KCND3: variants seen among roughly 807,000 people sequenced by gnomAD.
KCND3 encodes the protein potassium voltage-gated channel subfamily D member 3, also known as A-type voltage-gated potassium channel KCND3.
In KCND3, 9 loss-of-function variants were observed where a neutral mutation model predicts 51.1. The observed-to-expected ratio is 0.18, with a 90% CI of 0.11 to 0.31. The LOEUF is 0.31. Among genes scored for constraint, KCND3 ranks in the 10% least tolerant of loss-of-function variants. KCND3 has a pLI of 1.00. For synonymous variants in KCND3, 349 were observed against 368.0 expected (o/e 0.95, Z 0.59); for missense variants, 526 against 903.8 (o/e 0.58, Z 5.36).
At chr1:111,932,873 C>A (rs1355422758) in intron 2 of KCND3, among the ~76,000 whole-genome samples, 1 of 152,158 alleles carries the variant, frequency 6.6e-6, no homozygotes, top group Non-Finnish European at 1.5e-5. Flanking sequence ...GCTCTGGGGT[C>A]TCGGAGCACT....
chr1:111,828,687 G>GA (rs1267255045), intron 2 of KCND3, among the ~76,000 whole-genome samples: 3 of 151,990 alleles, frequency 2.0e-5, no homozygotes, highest in African/African-American at 7.2e-5. Context: ...GGTATGGAGA[G>GA]ACCCCCCATC....
chr1:111,800,547 A>T (rs1056691834), intron 2 of KCND3, among the ~76,000 whole-genome samples: 3 of 137,984 alleles, frequency 2.2e-5, no homozygotes, highest in Non-Finnish European at 4.7e-5. Flanking sequence ...ATAAAAAAAT[A>T]AATTTAAAAA....
chr1:111,881,993 C>G (rs1031671425), intron 2 of KCND3, among the ~76,000 whole-genome samples: 16 of 152,112 alleles, frequency 1.1e-4, no homozygotes, highest in African/African-American at 3.6e-4. Context: ...AACGGAACAC[C>G]ATGGGACCCT....
At chr1:111,962,637 T>G (rs1673726048) in intron 2 of KCND3, among the ~76,000 whole-genome samples, 1 of 152,240 alleles carries the variant, frequency 6.6e-6, no homozygotes, top group Admixed American at 6.5e-5. Context: ...CCTATGTGGA[T>G]GCCCTGCCTG....
chr1:111,847,897 G>A (rs1408809831), intron 2 of KCND3, among the ~76,000 whole-genome samples: 2 of 152,230 alleles, frequency 1.3e-5, no homozygotes, highest in African/African-American at 4.8e-5. Context: ...ATTTGCCCCA[G>A]GTTGACAGAG....
At chr1:111,984,311 G>T (rs922965688) in intron 1 of KCND3, among the ~76,000 whole-genome samples, 2 of 152,146 alleles carry the variant, frequency 1.3e-5, no homozygotes, top group Non-Finnish European at 2.9e-5. Flanking sequence ...GGACTTTTCT[G>T]CTCAGATGCC....
intron 2 of KCND3, among the ~76,000 whole-genome samples, chr1:111,870,519 C>T (rs1323817890): frequency 2.6e-5 from 4 of 152,072 alleles, no homozygotes; most frequent in Non-Finnish European, 5.9e-5. Context: ...GATGCCAGTG[C>T]CATTTTGAAG....
Position 111,971,308 on chromosome 1 carries a change from A to C in KCND3, c.1106+10313T>G, listed in dbSNP as rs1329892605. 6.6e-5 allele frequency among the ~76,000 whole-genome samples: 10 copies of C among 151,880 alleles called. 1 individual carries two copies. Among genetic ancestry groups the C allele is most frequent in the African/African-American group, 2.4e-4 (10 of 41,382 alleles). On this transcript the variant is annotated intron_variant, in intron 2 of 7. Transcript: ENST00000302127. ...CATTGCAGGAGGCAAAAAAAAAAAA[A>C]AAAACACCACAAAACAAACAAACAA...
At chr1:111,791,643 A>T (rs550067244) in intron 2 of KCND3, among the ~76,000 whole-genome samples, 8 of 152,272 alleles carry the variant, frequency 5.3e-5, no homozygotes, top group Admixed American at 1.3e-4. Flanking sequence ...GATGGTGATG[A>T]GGCTGCTACT....
intron 2 of KCND3, among the ~76,000 whole-genome samples, chr1:111,850,143 G>A (rs1412289316): frequency 6.6e-6 from 1 of 152,140 alleles, no homozygotes; most frequent in Non-Finnish European, 1.5e-5. Context: ...GAGAATATCT[G>A]ATTCTCCTCT....
At chr1:111,865,673 C>CT (rs753259999) in intron 2 of KCND3, among the ~76,000 whole-genome samples, 5 of 152,202 alleles carry the variant, frequency 3.3e-5, no homozygotes, top group Admixed American at 2.6e-4. Context: ...CTCTGGAATC[C>CT]TTTTTTTGGG....
At chr1:111,804,311 A>G (rs1665461502) in intron 2 of KCND3, among the ~76,000 whole-genome samples, 2 of 152,360 alleles carry the variant, frequency 1.3e-5, no homozygotes, top group East Asian at 1.9e-4. Context: ...ATCAGGCAGG[A>G]AAGAGGCAGG....
At chr1:111,904,188 A>G (rs78505768) in intron 2 of KCND3, among the ~76,000 whole-genome samples, 2,402 of 150,962 alleles carry the variant, frequency 0.016, 53 homozygotes, top group African/African-American at 0.055. Flanking sequence ...CCAAAGGGAC[A>G]TTACTCTAGG....
At chr1:111,834,280 C>T (rs987050345) in intron 2 of KCND3, among the ~76,000 whole-genome samples, 1 of 152,202 alleles carries the variant, frequency 6.6e-6, no homozygotes, top group East Asian at 1.9e-4. Flanking sequence ...TGTCTTTAAA[C>T]ACCAAAGCAG....
intron 2 of KCND3, among the ~76,000 whole-genome samples, chr1:111,931,425 TC>T (rs767141771): frequency 6.6e-6 from 1 of 151,816 alleles, no homozygotes; most frequent in Non-Finnish European, 1.5e-5. Context: ...CCTGTAGAGT[TC>T]CCCCTGAGAG....
intron 2 of KCND3, among the ~76,000 whole-genome samples, chr1:111,844,760 C>T (rs1034052940): frequency 3.9e-5 from 6 of 152,096 alleles, no homozygotes; most frequent in Admixed American, 2.6e-4. Context: ...TCTCATCCTT[C>T]TCTCTCTCCC....
intron 2 of KCND3, among the ~76,000 whole-genome samples, chr1:111,815,252 A>C (rs778048092): frequency 7.2e-5 from 11 of 151,878 alleles, no homozygotes; most frequent in Non-Finnish European, 1.5e-4. Context: ...TGTAAGTTTC[A>C]TTGCAATTAG....
intron 2 of KCND3, among the ~76,000 whole-genome samples, chr1:111,803,211 G>A (rs757889380): frequency 1.2e-4 from 18 of 151,720 alleles, no homozygotes; most frequent in African/African-American, 1.5e-4. Flanking sequence ...AGCCTTACCC[G>A]CCCCCACCCC....
At chr1:111,851,970 G>A (rs1350551160) in intron 2 of KCND3, among the ~76,000 whole-genome samples, 1 of 152,220 alleles carries the variant, frequency 6.6e-6, no homozygotes, top group Admixed American at 6.5e-5. Context: ...CTGCCTCTAA[G>A]CTCCCAGGAG....
Sources: gnomAD v4.1 joint callset for allele counts (sites outside exome capture counted in the v4.1 genomes callset) on GRCh38, gnomAD v4.1.1 for gene constraint, MANE v1.5 for transcripts, NCBI Gene and HGNC (gene_info 2026-07-23, HGNC 2026-07-21) for gene names.